The following TMED3 variants were observed in gnomAD, a reference collection of about 807,000 sequenced individuals.
TMED3 encodes the protein transmembrane emp24 domain-containing protein 3.
In TMED3, 9 loss-of-function variants were observed where a neutral mutation model predicts 15.0. The observed-to-expected ratio is 0.60, with a 90% CI of 0.36 to 1.04. TMED3 has a LOEUF of 1.04. Among genes scored for constraint, TMED3 ranks in the 50% least tolerant of loss-of-function variants. The pLI, the probability that TMED3 is intolerant of heterozygous loss-of-function variation, is 0.01. For synonymous variants in TMED3, 117 were observed against 121.4 expected (o/e 0.96, Z 0.24); for missense variants, 267 against 278.9 (o/e 0.96, Z 0.30).
At position 79,311,165 on chromosome 15, in the gene TMED3, C is replaced by G; in HGVS notation, c.-85C>G. On this transcript the variant is annotated 5_prime_UTR_variant, in exon 1 of 3. Coordinates refer to ENST00000299705, the MANE Select transcript of TMED3 (RefSeq NM_007364.4). ...GCCACGTCTATCCCCTTACATCCTC[C>G]TAGGACCCGGTCGGTAGTCGTCGCC... 3 of 1,454,218 alleles carry G rather than the reference C, an allele frequency of 2.1e-6. No individual in the cohort carries two copies. In the South Asian group the frequency reaches 4.0e-5, roughly 19 times the overall value. 90.1% of individuals were successfully genotyped at this position (1,454,218 alleles called of 1,614,324 possible).
intron 2 of TMED3, among the ~76,000 whole-genome samples, chr15:79,359,227 T>C (rs12441191): frequency 0.12 from 16,941 of 136,816 alleles, 1,331 homozygotes; most frequent in East Asian, 0.43. Context: ...AGGAGAAGGC[T>C]CAGTTTTTTT....
chr15:79,409,128 T>A (rs977443478), intron 2 of TMED3, among the ~76,000 whole-genome samples: 2 of 152,226 alleles, frequency 1.3e-5, no homozygotes, highest in African/African-American at 4.8e-5. Context: ...AAGTCTTTAA[T>A]GCCTGGCAAC....
chr15:79,311,980 G>C (rs545107203), intron 1 of TMED3, among the ~76,000 whole-genome samples: 1 of 152,366 alleles, frequency 6.6e-6, no homozygotes, highest in South Asian at 2.1e-4. Context: ...CGGTGTGGCT[G>C]CAAGACTTGG....
At chr15:79,320,957 G>A (rs1038075178) in intron 2 of TMED3, among the ~76,000 whole-genome samples, 5 of 152,178 alleles carry the variant, frequency 3.3e-5, no homozygotes, top group African/African-American at 1.2e-4. Context: ...CTTTGTGGTT[G>A]TAGGACTGAG....
At chr15:79,383,207 C>G (rs1033096532) in intron 2 of TMED3, 2 of 589,336 alleles carry the variant, frequency 3.4e-6, no homozygotes, top group African/African-American at 3.7e-5. Flanking sequence ...AGTCATTGAT[C>G]TTCAGGGACC....
intron 2 of TMED3, among the ~76,000 whole-genome samples, chr15:79,362,136 T>C (rs1362603080): frequency 7.9e-5 from 12 of 151,994 alleles, no homozygotes; most frequent in Admixed American, 7.9e-4. Flanking sequence ...AAAATCCCAC[T>C]GGGATTTTTT....
At chr15:79,360,716 G>C (rs746315319) in intron 2 of TMED3, among the ~76,000 whole-genome samples, 1 of 152,182 alleles carries the variant, frequency 6.6e-6, no homozygotes, top group Non-Finnish European at 1.5e-5. Flanking sequence ...TCCACTCTAC[G>C]TGTCGTGACA....
intron 2 of TMED3, among the ~76,000 whole-genome samples, chr15:79,336,170 C>G (rs532683257): frequency 6.6e-6 from 1 of 152,304 alleles, no homozygotes; most frequent in East Asian, 1.9e-4. Context: ...GCTGTGGAGT[C>G]TGGAGCTACA....
intron 2 of TMED3, among the ~76,000 whole-genome samples, chr15:79,357,450 A>G (rs1366777807): frequency 8.5e-6 from 1 of 117,566 alleles, no homozygotes; most frequent in Admixed American, 1.1e-4. Context: ...GTGCCACTGC[A>G]CTCCACCCTG....
chr15:79,359,323 C>A (rs1445565940), intron 2 of TMED3, among the ~76,000 whole-genome samples: 1 of 151,058 alleles, frequency 6.6e-6, no homozygotes, highest in Non-Finnish European at 1.5e-5. Context: ...ACCTCCGCCT[C>A]CCAGGTTCAA....
At position 79,405,880 on chromosome 15, in the gene TMED3, C is replaced by T. The variant is rs1049205986; in HGVS notation, c.418-5520C>T. On this transcript the variant is annotated intron_variant, in intron 2 of 2. Coordinates refer to the TMED3 transcript ENST00000424155. ...GCAGTCGATGTGTACTCCTGTCCTT[C>T]CCACAGAAAGGTGAGCTGCTTTTTA... Among the ~76,000 whole-genome samples, 4 of 152,152 alleles carry T rather than the reference C, an allele frequency of 2.6e-5. No homozygotes were observed. In the South Asian group the frequency reaches 8.3e-4, roughly 31 times the overall value.
intron 2 of TMED3, among the ~76,000 whole-genome samples, chr15:79,409,625 G>A (rs1339338949): frequency 2.0e-5 from 3 of 152,188 alleles, no homozygotes; most frequent in African/African-American, 7.2e-5. Context: ...AGAATATTCT[G>A]TGTTCTTTAT....
intron 2 of TMED3, among the ~76,000 whole-genome samples, chr15:79,363,540 A>T (rs1422312585): frequency 1.3e-5 from 2 of 151,492 alleles, no homozygotes; most frequent in African/African-American, 4.8e-5. Context: ...GTGAAAAATG[A>T]CAGCCAAAGA....
downstream of TMED3, among the ~76,000 whole-genome samples, chr15:79,325,533 A>G (rs2058784099): frequency 6.6e-6 from 1 of 152,228 alleles, no homozygotes; most frequent in African/African-American, 2.4e-5. Context: ...AGGGTTCTCC[A>G]GAGGGACAGA....
intron 2 of TMED3, among the ~76,000 whole-genome samples, chr15:79,408,224 C>T (rs1893927018): frequency 6.6e-6 from 1 of 152,224 alleles, no homozygotes; most frequent in South Asian, 2.1e-4. Context: ...CTACAGAGAT[C>T]TTCCTTATGC....
chr15:79,364,643 C>T lies in TMED3; in HGVS notation c.418-46757C>T, dbSNP rs560588979. ...GACAAGCAGATGAGGAGATGAAACA[C>T]GCAGATGAATGGTGGAACGACACAG... On this transcript the variant is annotated intron_variant, in intron 2 of 2. Transcript: ENST00000424155. Among the ~76,000 whole-genome samples, 18 of 151,712 alleles carry T rather than the reference C, an allele frequency of 1.2e-4. 1 individual carries two copies. Among genetic ancestry groups the T allele is most frequent in the Non-Finnish European group, 2.1e-4 (14 of 67,950 alleles).
chr15:79,339,105 CAAA>C (rs752810132), intron 2 of TMED3, among the ~76,000 whole-genome samples: 2 of 152,182 alleles, frequency 1.3e-5, no homozygotes, highest in Admixed American at 6.5e-5. Flanking sequence ...ATAGCAGTAA[CAAA>C]TTAGTGAAAG....
chr15:79,403,545 T>A (rs553415622), intron 2 of TMED3, among the ~76,000 whole-genome samples: 4 of 152,206 alleles, frequency 2.6e-5, no homozygotes, highest in Non-Finnish European at 5.9e-5. Context: ...CCCTGCATTT[T>A]GTATATACTC....
chr15:79,340,306 T>C (rs2058846998), intron 2 of TMED3, among the ~76,000 whole-genome samples: 1 of 152,180 alleles, frequency 6.6e-6, no homozygotes, highest in Non-Finnish European at 1.5e-5. Flanking sequence ...GAAGTGTGGG[T>C]CTCTGCAAGA....
Sources: gnomAD v4.1 joint callset for allele counts (sites outside exome capture counted in the v4.1 genomes callset) on GRCh38, gnomAD v4.1.1 for gene constraint, MANE v1.5 for transcripts, NCBI Gene and HGNC (gene_info 2026-07-23, HGNC 2026-07-21) for gene names.